Variants in CDC42BPA observed in about 807,000 individuals in gnomAD.
CDC42BPA encodes serine/threonine-protein kinase MRCK alpha.
In CDC42BPA, 80 loss-of-function variants were observed where a neutral mutation model predicts 223.5. That is an observed-to-expected ratio of 0.36 (90% CI 0.30 to 0.43). The LOEUF is 0.43. CDC42BPA is among the 20% of genes least tolerant of loss of function. The pLI, the probability that CDC42BPA is intolerant of heterozygous loss-of-function variation, is 1.00. For missense variants in CDC42BPA, 1,743 were observed against 2,099.9 expected (o/e 0.83, Z 3.32); for synonymous variants, 694 against 718.6 (o/e 0.97, Z 0.55).
intron 35 of CDC42BPA, among the ~76,000 whole-genome samples, chr1:227,003,022 T>C (rs1663189427): frequency 6.6e-6 from 1 of 152,202 alleles, no homozygotes; most frequent in African/African-American, 2.4e-5. Flanking sequence ...TAATTTCTTA[T>C]GCAGCAAGAG....
At chr1:227,121,197 C>A (rs1268980555) in intron 11 of CDC42BPA, among the ~76,000 whole-genome samples, 1 of 152,188 alleles carries the variant, frequency 6.6e-6, no homozygotes, top group Non-Finnish European at 1.5e-5. Context: ...TATGGAGAAT[C>A]TCAAGCCCCA....
intron 14 of CDC42BPA, among the ~76,000 whole-genome samples, chr1:227,108,424 G>A (rs112620261): frequency 0.093 from 13,723 of 148,048 alleles, 843 homozygotes; most frequent in Middle Eastern, 0.16. Context: ...TTTTTTCCCT[G>A]TAATTGATTT....
intron 32 of CDC42BPA, 107 bp from the exon 33 acceptor site, chr1:227,017,157 C>A: frequency 3.0e-6 from 3 of 985,850 alleles, no homozygotes; most frequent in Non-Finnish European, 4.3e-6. Context: ...CAAGTACATG[C>A]AATTCTGGTT....
intron 17 of CDC42BPA, among the ~76,000 whole-genome samples, chr1:227,076,313 G>C (rs1679466159): frequency 2.0e-5 from 3 of 152,048 alleles, no homozygotes; most frequent in Admixed American, 1.3e-4. Flanking sequence ...CTAAAGTACA[G>C]TGGCACAATC....
chr1:227,297,445 A>G lies in CDC42BPA; in HGVS notation c.178+19560T>C, dbSNP rs188968291. ...AATATCACTCCTAAGCATATATGCAAAAGAGTTAAAAATAGGGACTCAAAC... is the reference window on the plus strand; with the variant it reads ...AATATCACTCCTAAGCATATATGCAGAAGAGTTAAAAATAGGGACTCAAAC... On this transcript the variant is annotated intron_variant, in intron 1 of 36. Transcript: ENST00000366766. Among the ~76,000 whole-genome samples, 5 of 152,296 alleles carry G rather than the reference A, an allele frequency of 3.3e-5. No homozygotes were observed. In the East Asian group the frequency reaches 9.6e-4, roughly 29 times the overall value.
Position 227,163,752 on chromosome 1 carries a change from T to G in CDC42BPA, c.600-3116A>C, listed in dbSNP as rs188040414. 6.0e-3 allele frequency among the ~76,000 whole-genome samples: 907 copies of G among 150,090 alleles called. 10 individuals are homozygous for G. The highest frequency in any genetic ancestry group is 0.021 in the African/African-American group (854 of 41,174). On this transcript the variant is annotated intron_variant, in intron 5 of 36. Coordinates refer to ENST00000366766, the MANE Select transcript of CDC42BPA (RefSeq NM_001394014.1). ...TTTGTAAAAAAAAAAAATATATATA[T>G]ATATAAAATACTAATGTAGTCTTAT...
Position 227,016,100 on chromosome 1 carries a change from T to C in CDC42BPA, c.4837A>G (p.Ile1613Val). Residue 1613 changes from isoleucine (I) to valine (V), a missense_variant, in exon 34 of 37, where the codon ATC becomes GTC. Coordinates refer to ENST00000366766, the MANE Select transcript of CDC42BPA (RefSeq NM_001394014.1). The stretch of plus-strand genomic sequence containing the variant: ...CTTACCATGGGCAGATCTTTCAGGA[T>C]CTGTATTCCATCTCCAGGACCCATG... Reference protein sequence around the residue: ...AHMGPGDGIQILKDLPMNPRP... With the variant: ...AHMGPGDGIQVLKDLPMNPRP... 1 of 1,589,096 alleles carries C rather than the reference T, an allele frequency of 6.3e-7. No homozygotes were observed. The highest frequency in any genetic ancestry group is 8.6e-7 in the Non-Finnish European group (1 of 1,157,504).
intron 32 of CDC42BPA, among the ~76,000 whole-genome samples, chr1:227,019,976 A>G (rs1217464856): frequency 6.6e-6 from 1 of 151,882 alleles, no homozygotes; most frequent in Non-Finnish European, 1.5e-5. Context: ...AGCTCACCGC[A>G]ACCTCCACCT....
intron 34 of CDC42BPA, among the ~76,000 whole-genome samples, chr1:227,006,159 G>C (rs990570703): frequency 1.3e-5 from 2 of 152,190 alleles, no homozygotes. Flanking sequence ...AGCATCTTCT[G>C]ATGCAAATGG....
Position 227,056,397 on chromosome 1 carries a change from T to C in CDC42BPA, c.2905-4412A>G, listed in dbSNP as rs565186575. Among the ~76,000 whole-genome samples, 30 of 151,914 alleles carry C rather than the reference T, an allele frequency of 2.0e-4. No individual in the cohort carries two copies. The South Asian group carries it at 3.5e-3, about 18-fold the overall frequency. On this transcript the variant is annotated intron_variant, in intron 21 of 36. Transcript: ENST00000366766. ...AGTTTCTTTTCTTTTCTTTTCTTTT[T>C]TTTTTTTGAGACAAGGTCTTTCTCT...
chr1:227,136,083 G>A (rs1000651468), intron 10 of CDC42BPA, among the ~76,000 whole-genome samples: 1 of 151,860 alleles, frequency 6.6e-6, no homozygotes, highest in Admixed American at 6.6e-5. Context: ...AGGCAGGCTC[G>A]CAGAAGATTC....
At chr1:227,315,955 CA>C (rs71180728) in intron 1 of CDC42BPA, among the ~76,000 whole-genome samples, 13,764 of 110,688 alleles carry the variant, frequency 0.12, 662 homozygotes, top group South Asian at 0.2. Flanking sequence ...ATTTCAAATC[CA>C]AAAAAAAAAA....
intron 1 of CDC42BPA, among the ~76,000 whole-genome samples, chr1:227,312,971 C>T (rs145481916): frequency 2.6e-5 from 4 of 152,258 alleles, no homozygotes; most frequent in East Asian, 3.9e-4. Flanking sequence ...TTGTAGCCTG[C>T]GGAACTGTGA....
intron 1 of CDC42BPA, among the ~76,000 whole-genome samples, chr1:227,316,410 CCAAA>C (rs1163405044): frequency 2.6e-5 from 4 of 152,152 alleles, no homozygotes; most frequent in Admixed American, 2.6e-4. Flanking sequence ...GAAGCTGCCC[CCAAA>C]CATTCTCTAA....
chr1:227,244,910 C>G (rs1284196312), intron 2 of CDC42BPA, among the ~76,000 whole-genome samples: 1 of 152,244 alleles, frequency 6.6e-6, no homozygotes, highest in Non-Finnish European at 1.5e-5. Flanking sequence ...TGCCCTGTCA[C>G]AGCAGAGAAT....
chr1:227,264,909 C>G (rs1460948579), intron 1 of CDC42BPA: 3 of 1,388,378 alleles, frequency 2.2e-6, no homozygotes, highest in African/African-American at 1.4e-5. Flanking sequence ...ACCTCAGATA[C>G]CAGCTCAATA....
intron 2 of CDC42BPA, among the ~76,000 whole-genome samples, chr1:227,248,673 A>C (rs897794898): frequency 6.6e-6 from 1 of 152,090 alleles, no homozygotes; most frequent in African/African-American, 2.4e-5. Context: ...AAAATTCATC[A>C]AGTTATCTAT....
At chr1:227,162,680 T>C (rs531219375) in intron 5 of CDC42BPA, among the ~76,000 whole-genome samples, 2 of 151,948 alleles carry the variant, frequency 1.3e-5, no homozygotes, top group African/African-American at 2.4e-5. Flanking sequence ...AAAATAAAAA[T>C]GAAAAATTAG....
chr1:227,069,330 C>T (rs1677789108), intron 21 of CDC42BPA: 1 of 152,702 alleles, frequency 6.5e-6, no homozygotes, highest in Non-Finnish European at 1.5e-5. Context: ...CTATGTAACA[C>T]CTTTTAACAA....
Sources: allele counts gnomAD v4.1 joint callset (sites outside exome capture counted in the v4.1 genomes callset), GRCh38; gene constraint gnomAD v4.1.1; transcripts MANE v1.5; gene names NCBI Gene and HGNC (gene_info 2026-07-23, HGNC 2026-07-21).